ATP1B3: variants seen among roughly 807,000 people sequenced by gnomAD.
ATP1B3 encodes sodium/potassium-transporting ATPase subunit beta-3.
A neutral mutation model predicts 30.2 loss-of-function variants in ATP1B3; 10 were observed. That is an observed-to-expected ratio of 0.33 (90% CI 0.20 to 0.56). ATP1B3 has a LOEUF of 0.56. Among genes scored for constraint, ATP1B3 ranks in the 20% least tolerant of loss-of-function variants. ATP1B3 has a pLI of 0.90. For missense variants in ATP1B3, 238 were observed against 336.7 expected, an observed-to-expected ratio of 0.71 and a Z score of 2.29; for synonymous variants, 113 against 117.0, an observed-to-expected ratio of 0.97 and a Z score of 0.22.
chr3:141,901,817 ATAAT>A (rs1374779881), intron 1 of ATP1B3, among the ~76,000 whole-genome samples: 3 of 152,244 alleles, frequency 2.0e-5, no homozygotes, highest in Non-Finnish European at 4.4e-5. Context: ...ACACTGCTAA[ATAAT>A]TAAACTCTTA....
chr3:141,921,744 G>A (rs1934567341), intron 5 of ATP1B3: 1 of 338,098 alleles, frequency 3.0e-6, no homozygotes, highest in African/African-American at 2.2e-5. Flanking sequence ...AGTATAGAGT[G>A]TATCTGGAAG....
At chr3:141,908,520 G>A (rs1342927100) in intron 3 of ATP1B3, among the ~76,000 whole-genome samples, 1 of 152,106 alleles carries the variant, frequency 6.6e-6, no homozygotes, top group Non-Finnish European at 1.5e-5. Flanking sequence ...AGACCTCTCA[G>A]TCTTCATGTC....
At chr3:141,888,953 C>T (rs1012005825) in intron 1 of ATP1B3, among the ~76,000 whole-genome samples, 8 of 152,050 alleles carry the variant, frequency 5.3e-5, no homozygotes, top group African/African-American at 1.9e-4. Flanking sequence ...TTATTAGCAG[C>T]ATGAGAAGAG....
intron 1 of ATP1B3, among the ~76,000 whole-genome samples, chr3:141,884,176 C>T (rs1933788086): frequency 6.6e-6 from 1 of 151,980 alleles, no homozygotes; most frequent in Admixed American, 6.6e-5. Flanking sequence ...ATAATAACCT[C>T]CCACATACCT....
chr3:141,916,465 A>C (rs1330394945), intron 5 of ATP1B3: 2 of 869,352 alleles, frequency 2.3e-6, no homozygotes, highest in Non-Finnish European at 3.3e-6. Flanking sequence ...TATCTCCCCT[A>C]TCCCTACTTA....
Position 141,876,657 on chromosome 3 carries a change from C to T in ATP1B3, c.-145C>T, listed in dbSNP as rs1933593158. 3.9e-6 allele frequency: 2 copies of T among 513,472 alleles called. No individual in the cohort carries two copies. Among genetic ancestry groups the T allele is most frequent in the East Asian group, 8.4e-5 (2 of 23,806 alleles). The allele number at this position is 513,472 out of a possible 1,614,324, so 31.8% of individuals were successfully genotyped here. ...CGGCGCGGCGCAGTCGGCTCGAGTA[C>T]TCCCCGTAACGAGGAGGTGTTCTCG... On this transcript the variant is annotated 5_prime_UTR_variant, in exon 1 of 7. Coordinates refer to ENST00000286371, the MANE Select transcript of ATP1B3 (RefSeq NM_001679.4).
At chr3:141,920,402 T>G (rs1934545410) in intron 5 of ATP1B3, among the ~76,000 whole-genome samples, 1 of 151,898 alleles carries the variant, frequency 6.6e-6, no homozygotes, top group African/African-American at 2.4e-5. Context: ...TGGCGCACAC[T>G]TGTAATCCCA....
intron 4 of ATP1B3, among the ~76,000 whole-genome samples, chr3:141,915,242 A>G (rs1259402403): frequency 6.6e-6 from 1 of 152,208 alleles, no homozygotes; most frequent in Non-Finnish European, 1.5e-5. Context: ...CATCAGACAC[A>G]CAGGAATCAT....
chr3:141,920,801 T>C (rs1239242388), intron 5 of ATP1B3, among the ~76,000 whole-genome samples: 1 of 152,172 alleles, frequency 6.6e-6, no homozygotes, highest in Non-Finnish European at 1.5e-5. Flanking sequence ...TGAAAATGGC[T>C]TTTGCGATTT....
intron 2 of ATP1B3, among the ~76,000 whole-genome samples, chr3:141,906,117 G>A (rs1034041094): frequency 2.0e-5 from 3 of 151,568 alleles, no homozygotes; most frequent in Admixed American, 1.3e-4. Context: ...AATGTTTGAA[G>A]GCTAGAGAAA....
chr3:141,919,832 G>T (rs113368930), intron 5 of ATP1B3, among the ~76,000 whole-genome samples: 11,412 of 152,046 alleles, frequency 0.075, 471 homozygotes, highest in Middle Eastern at 0.16. Context: ...CCAGCTACTC[G>T]GGAGGCTTAG....
At chr3:141,904,019 G>C (rs1471280215) in intron 2 of ATP1B3, among the ~76,000 whole-genome samples, 2 of 152,144 alleles carry the variant, frequency 1.3e-5, no homozygotes, top group African/African-American at 4.8e-5. Context: ...CCCGACCTCA[G>C]GTGATCTGCC....
chr3:141,883,011 C>T (rs1164920400), intron 1 of ATP1B3, among the ~76,000 whole-genome samples: 1 of 152,196 alleles, frequency 6.6e-6, no homozygotes, highest in African/African-American at 2.4e-5. Context: ...CATACAAACT[C>T]TTTAAAATCT....
intron 1 of ATP1B3, chr3:141,902,106 T>G: frequency 1.2e-4 from 149 of 1,276,886 alleles, no homozygotes; most frequent in Non-Finnish European, 1.4e-4. Context: ...TTTACTTCTT[T>G]GAGATTGGTC....
intron 1 of ATP1B3, among the ~76,000 whole-genome samples, chr3:141,879,832 T>TG (rs1933688137): frequency 7.0e-6 from 1 of 141,862 alleles, no homozygotes; most frequent in Non-Finnish European, 1.6e-5. Context: ...TTTTTTTTTT[T>TG]TTTAAGAAAA....
At chr3:141,885,880 AACACACACACACACACACACACACACAC>A (rs146684460) in intron 1 of ATP1B3, among the ~76,000 whole-genome samples, 5 of 141,744 alleles carry the variant, frequency 3.5e-5, no homozygotes, top group African/African-American at 1.3e-4. Flanking sequence ...GCTGCGTTAA[AACACACACACACACACACACACACACAC>A]ACACACACAC....
intron 4 of ATP1B3, among the ~76,000 whole-genome samples, chr3:141,915,758 GC>G (rs35453274): frequency 6.6e-6 from 1 of 151,964 alleles, no homozygotes; most frequent in African/African-American, 2.4e-5. Context: ...TTTCTAAATT[GC>G]CCCAGTACAG....
chr3:141,921,844 T>G lies in ATP1B3; in HGVS notation c.583-133T>G, dbSNP rs898402445. 7 of 527,488 alleles carry G rather than the reference T, an allele frequency of 1.3e-5. No individual in the cohort carries two copies. The African/African-American group carries it at 1.4e-4, about 11-fold the overall frequency. The allele number at this position is 527,488 out of a possible 1,614,324, so 32.7% of individuals were successfully genotyped here. The stretch of plus-strand genomic sequence containing the variant: ...AAGCTTCTTCTCAGAAATACACTTG[T>G]AATGATAATATAGTTGGAGCAGCAT... On this transcript the variant is annotated intron_variant, in intron 5 of 6. Transcript: ENST00000286371.
chr3:141,894,239 T>C (rs1427098332), intron 1 of ATP1B3, among the ~76,000 whole-genome samples: 1 of 152,240 alleles, frequency 6.6e-6, no homozygotes, highest in East Asian at 1.9e-4. Flanking sequence ...CTGTAGACTT[T>C]ATAAACACTG....
Sources: gnomAD v4.1 joint callset for allele counts (sites outside exome capture counted in the v4.1 genomes callset) on GRCh38, gnomAD v4.1.1 for gene constraint, MANE v1.5 for transcripts, NCBI Gene and HGNC (gene_info 2026-07-23, HGNC 2026-07-21) for gene names.